Variants in TBXAS1 observed in about 807,000 individuals in gnomAD.
The protein encoded by TBXAS1 is thromboxane A synthase 1.
In TBXAS1, 48 loss-of-function variants were observed where a neutral mutation model predicts 60.7. The observed-to-expected ratio is 0.79, with a 90% CI of 0.63 to 1.01. The LOEUF (loss-of-function observed/expected upper bound fraction) is 1.01, where lower values mean the gene tolerates loss of function less well. Among genes scored for constraint, TBXAS1 ranks in the 50% least tolerant of loss-of-function variants. The pLI, the probability that TBXAS1 is intolerant of heterozygous loss-of-function variation, is 0.00. For missense variants in TBXAS1, 685 were observed against 686.3 expected, an observed-to-expected ratio of 1.00 and a Z score of 0.02; for synonymous variants, 287 against 269.7, an observed-to-expected ratio of 1.06 and a Z score of -0.63.
At chr7:139,824,475 G>A (rs1003314087), upstream of TBXAS1, among the ~76,000 whole-genome samples, 7 of 152,218 alleles carry the variant, frequency 4.6e-5, no homozygotes, top group African/African-American at 1.7e-4. Context: ...ATTAGAAGTT[G>A]AGAAAACTTG....
At chr7:140,008,985 T>G (rs1454869339) in intron 10 of TBXAS1, among the ~76,000 whole-genome samples, 2 of 152,166 alleles carry the variant, frequency 1.3e-5, no homozygotes, top group Admixed American at 6.5e-5. Context: ...AGGTGTGTTC[T>G]CCAGCAAGAG....
intron 1 of TBXAS1, among the ~76,000 whole-genome samples, chr7:139,850,231 G>A (rs1800116534): frequency 1.3e-5 from 2 of 152,060 alleles, no homozygotes; most frequent in Non-Finnish European, 2.9e-5. Flanking sequence ...ATCTGAACAG[G>A]GAGGTTTCTT....
At chr7:139,906,076 T>C in intron 3 of TBXAS1, 1 of 414,596 alleles carries the variant, frequency 2.4e-6, no homozygotes, top group Non-Finnish European at 4.7e-6. Flanking sequence ...GCATCTTTTT[T>C]TTTTTTTCTC....
At position 139,955,594 on chromosome 7, in the gene TBXAS1, C is replaced by A. The variant is rs776662753; in HGVS notation, c.675C>A (p.Ile225=). 1.2e-6 allele frequency: 2 copies of A among 1,614,088 alleles called. No individual in the cohort carries two copies. The highest frequency in any genetic ancestry group is 1.7e-6 in the Non-Finnish European group (2 of 1,180,050). The change falls in exon 7 of 13, where the codon ATC becomes ATA. Residue 225 remains isoleucine, a synonymous_variant. Transcript: ENST00000448866. ...RFFEFCIPRP[I]LVLLLSFPSI... is the part of the protein sequence containing the mutation. ...TCGAATTCTGCATCCCCAGACCTATCCTGGTTTTACTCTGTAAGTGCGGCT... is the reference window on the plus strand; with the variant it reads ...TCGAATTCTGCATCCCCAGACCTATACTGGTTTTACTCTGTAAGTGCGGCT...
rs5766 is a variant in TBXAS1 at position 139,911,325 on chromosome 7, C to G, written c.333+4C>G. The G allele has an allele frequency of 3.1e-6, 5 of 1,612,076 alleles. No individual in the cohort carries two copies. In the African/African-American group the frequency reaches 5.3e-5, roughly 17 times the overall value. Reference sequence around the variant, plus strand: ...CAGTAACTTTACCAACAGAATGGTACGTAGTTTTCTTTCCGCATATAGATG... The same window carrying G: ...CAGTAACTTTACCAACAGAATGGTAGGTAGTTTTCTTTCCGCATATAGATG... On this transcript the variant is annotated splice_donor_region_variant and intron_variant, in intron 4 of 12. Coordinates refer to ENST00000448866, the MANE Select transcript of TBXAS1 (RefSeq NM_001061.7).
chr7:139,953,974 C>T (rs570124968), intron 6 of TBXAS1, among the ~76,000 whole-genome samples: 2 of 152,246 alleles, frequency 1.3e-5, no homozygotes, highest in South Asian at 2.1e-4. Context: ...TGGCCCAACA[C>T]AAATTTATAA....
At chr7:139,891,800 A>G (rs908634696) in intron 3 of TBXAS1, among the ~76,000 whole-genome samples, 5 of 152,208 alleles carry the variant, frequency 3.3e-5, no homozygotes, top group African/African-American at 9.6e-5. Flanking sequence ...TTTGTCTCCA[A>G]GGAAACTTCA....
intron 9 of TBXAS1, among the ~76,000 whole-genome samples, chr7:139,984,069 A>G (rs184361203): frequency 1.3e-5 from 2 of 152,168 alleles, no homozygotes; most frequent in South Asian, 2.1e-4. Context: ...AAGATGGCTG[A>G]GGGTATGGAC....
intron 9 of TBXAS1, among the ~76,000 whole-genome samples, chr7:139,972,520 C>T (rs1049830809): frequency 1.1e-4 from 16 of 152,118 alleles, no homozygotes. Context: ...TTATTCCCAA[C>T]AATTAGCTCT....
At chr7:139,842,634 C>T (rs983908359) in intron 1 of TBXAS1, among the ~76,000 whole-genome samples, 2 of 152,194 alleles carry the variant, frequency 1.3e-5, no homozygotes, top group African/African-American at 4.8e-5. Flanking sequence ...CCTGGTTTAC[C>T]AGAAATAGGT....
intron 9 of TBXAS1, among the ~76,000 whole-genome samples, chr7:139,997,175 T>C (rs1223563148): frequency 2.0e-5 from 3 of 152,212 alleles, no homozygotes; most frequent in Non-Finnish European, 1.5e-5. Flanking sequence ...TCTCTTTCCC[T>C]GCCCCTCACC....
chr7:140,010,194 G>A (rs1033112303), intron 10 of TBXAS1, among the ~76,000 whole-genome samples: 5 of 152,194 alleles, frequency 3.3e-5, no homozygotes, highest in African/African-American at 1.2e-4. Context: ...GAGAGACAAG[G>A]TGTCACAATT....
chr7:139,962,185 C>A lies in TBXAS1; in HGVS notation c.1086C>A (p.Asp362Glu). ...FATYLLATNP[D>E]CQEKLLREVD... is the part of the protein sequence containing the mutation. ...CCTACCTACTGGCCACCAACCCTGA[C>A]TGCCAAGAGAAGCTTCTGAGAGAGG... Residue 362 changes from aspartate (D) to glutamate (E), a missense_variant, in exon 9 of 13, where the codon GAC becomes GAA. Asp to Glu is a conservative substitution (Grantham distance 45). Transcript: ENST00000448866. The A allele has an allele frequency of 6.2e-7, 1 of 1,614,206 alleles. No individual in the cohort carries two copies. Among genetic ancestry groups the A allele is most frequent in the South Asian group, 1.1e-5 (1 of 91,084 alleles).
upstream of TBXAS1, among the ~76,000 whole-genome samples, chr7:139,825,136 AT>A (rs10712688): frequency 0.68 from 103,272 of 151,236 alleles, 37,110 homozygotes; most frequent in East Asian, 0.92. Context: ...GCCTGAGTTG[AT>A]TTTTTTTTAA....
chr7:139,954,358 C>A (rs576109790), intron 6 of TBXAS1, among the ~76,000 whole-genome samples: 2 of 152,302 alleles, frequency 1.3e-5, no homozygotes, highest in Admixed American at 1.3e-4. Context: ...GCTATAAAAG[C>A]AAAGTAAATA....
intron 3 of TBXAS1, among the ~76,000 whole-genome samples, chr7:139,901,326 C>CAAAAAAAAA (rs8192825): frequency 8.1e-6 from 1 of 123,290 alleles, no homozygotes; most frequent in Admixed American, 7.9e-5. Context: ...AATATTACTA[C>CAAAAAAAAA]AAAAAAAAAA....
intron 1 of TBXAS1, among the ~76,000 whole-genome samples, chr7:139,845,987 G>A (rs747388853): frequency 2.6e-5 from 4 of 151,566 alleles, no homozygotes; most frequent in Non-Finnish European, 5.9e-5. Context: ...ACCACCCCAG[G>A]CTATTTTTTG....
intron 3 of TBXAS1, among the ~76,000 whole-genome samples, chr7:139,878,298 C>A (rs1468937759): frequency 1.3e-5 from 2 of 151,582 alleles, no homozygotes; most frequent in Non-Finnish European, 2.9e-5. Flanking sequence ...AACAGGATAT[C>A]CAATCAACTT....
chr7:139,998,944 G>A (rs1391397893), intron 9 of TBXAS1, among the ~76,000 whole-genome samples: 2 of 152,234 alleles, frequency 1.3e-5, no homozygotes, highest in African/African-American at 2.4e-5. Flanking sequence ...ATAAATAGAT[G>A]CCATGTACAC....
Sources: gnomAD v4.1 joint callset for allele counts (sites outside exome capture counted in the v4.1 genomes callset) on GRCh38, gnomAD v4.1.1 for gene constraint, MANE v1.5 for transcripts, NCBI Gene and HGNC (gene_info 2026-07-23, HGNC 2026-07-21) for gene names.